Variants in RNLS observed in about 807,000 individuals in gnomAD.
The protein encoded by RNLS is renalase.
Under a neutral mutation model 39.8 loss-of-function variants are expected in RNLS, and 39 were observed. The ratio of observed to expected loss-of-function variants is 0.98; its 90% CI spans 0.76 to 1.28. RNLS has a LOEUF of 1.28. RNLS is among the 50% of genes most tolerant of loss of function. The pLI is 0.00. For missense variants in RNLS, 410 were observed against 413.3 expected (o/e 0.99, Z 0.07); for synonymous variants, 147 against 150.7 (o/e 0.98, Z 0.18).
At chr10:88,346,928 C>G (rs1265587738) in intron 5 of RNLS, among the ~76,000 whole-genome samples, 3 of 152,160 alleles carry the variant, frequency 2.0e-5, no homozygotes, top group African/African-American at 7.2e-5. Flanking sequence ...GACATTTAGA[C>G]TGATCTGAAG....
chr10:88,562,161 G>A (rs932550834), intron 4 of RNLS, among the ~76,000 whole-genome samples: 4 of 152,116 alleles, frequency 2.6e-5, no homozygotes, highest in Admixed American at 6.6e-5. Context: ...TTTTGAGCCA[G>A]AAATTTCACT....
chr10:88,453,186 C>T (rs1842447909), intron 4 of RNLS, among the ~76,000 whole-genome samples: 1 of 152,134 alleles, frequency 6.6e-6, no homozygotes, highest in Admixed American at 6.5e-5. Flanking sequence ...TAGTGGATAC[C>T]ATGGAATACT....
At chr10:88,519,383 AT>A in intron 4 of RNLS, among the ~76,000 whole-genome samples, 1 of 151,876 alleles carries the variant, frequency 6.6e-6, no homozygotes, top group East Asian at 1.9e-4. Context: ...AGGCATAATT[AT>A]CATTCCCTTA....
At chr10:88,301,788 T>A (rs1844542437) in intron 6 of RNLS, among the ~76,000 whole-genome samples, 2 of 152,114 alleles carry the variant, frequency 1.3e-5, no homozygotes, top group Non-Finnish European at 2.9e-5. Flanking sequence ...ATTGGTCCTA[T>A]CCAGACTATT....
chr10:88,582,933 A>C, intron 1 of RNLS, 140 bp downstream of exon 1: 2 of 963,902 alleles, frequency 2.1e-6, no homozygotes, highest in African/African-American at 1.7e-5. Context: ...CACTCGGCGC[A>C]TGGGCCGCGC....
Position 88,467,007 on chromosome 10 carries a change from T to C in RNLS, c.527-104282A>G, listed in dbSNP as rs116047571. Among the ~76,000 whole-genome samples, 779 of 152,216 alleles carry C rather than the reference T, an allele frequency of 5.1e-3. 5 individuals carry two copies. The highest frequency in any genetic ancestry group is 0.018 in the African/African-American group (759 of 41,548). ...AGCTGAGTAACAAACCTCTTAAAAC[T>C]CAGATTTATAATGGAAATGCTGTCC... is the stretch of plus-strand genomic sequence containing the variant. On this transcript the variant is annotated intron_variant, in intron 4 of 6. Coordinates refer to ENST00000331772, the MANE Select transcript of RNLS (RefSeq NM_001031709.3).
intron 4 of RNLS, among the ~76,000 whole-genome samples, chr10:88,565,947 T>A (rs1380530780): frequency 6.6e-6 from 1 of 151,828 alleles, no homozygotes; most frequent in African/African-American, 2.4e-5. Flanking sequence ...ATGGGTTTCA[T>A]CATGTTGGCC....
chr10:88,465,100 G>A (rs934828949), intron 4 of RNLS, among the ~76,000 whole-genome samples: 1 of 152,030 alleles, frequency 6.6e-6, no homozygotes, highest in Non-Finnish European at 1.5e-5. Flanking sequence ...AAAGCATTTC[G>A]AAGAGTGCCT....
the RNLS span, among the ~76,000 whole-genome samples, chr10:88,203,379 TATATATACAC>T: frequency 8.7e-5 from 1 of 11,526 alleles, no homozygotes; most frequent in Non-Finnish European, 1.8e-4. Flanking sequence ...TATATATATA[TATATATACAC>T]GTATGTGTAT....
At chr10:88,365,823 A>T (rs1317375824) in intron 4 of RNLS, among the ~76,000 whole-genome samples, 1 of 151,924 alleles carries the variant, frequency 6.6e-6, no homozygotes, top group Non-Finnish European at 1.5e-5. Flanking sequence ...GGAACAGAAG[A>T]CCTGGCTGTA....
At chr10:88,542,799 T>C (rs1182177143) in intron 4 of RNLS, among the ~76,000 whole-genome samples, 1 of 152,142 alleles carries the variant, frequency 6.6e-6, no homozygotes, top group Non-Finnish European at 1.5e-5. Flanking sequence ...AGTAAAGCAC[T>C]TGGAAGCCTT....
intron 4 of RNLS, among the ~76,000 whole-genome samples, chr10:88,507,300 T>C (rs1401026505): frequency 6.6e-6 from 1 of 152,018 alleles, no homozygotes; most frequent in Non-Finnish European, 1.5e-5. Context: ...ATAATAATTT[T>C]CTTTGAATAT....
At chr10:88,348,357 G>A (rs985148161) in intron 5 of RNLS, among the ~76,000 whole-genome samples, 9 of 152,078 alleles carry the variant, frequency 5.9e-5, no homozygotes, top group African/African-American at 2.2e-4. Flanking sequence ...CATCTGGCTG[G>A]CTCTTAGATT....
chr10:88,467,607 C>A (rs551598221), intron 4 of RNLS, among the ~76,000 whole-genome samples: 22 of 152,138 alleles, frequency 1.4e-4, no homozygotes, highest in African/African-American at 3.1e-4. Context: ...ATTTACCAAC[C>A]TTTTGCTCTA....
intron 4 of RNLS, among the ~76,000 whole-genome samples, chr10:88,570,464 C>T (rs766434878): frequency 8.5e-5 from 13 of 152,170 alleles, no homozygotes; most frequent in Non-Finnish European, 1.8e-4. Context: ...TCACTCAATT[C>T]GCAAATATTA....
At chr10:88,459,891 C>T (rs1459541685) in intron 4 of RNLS, among the ~76,000 whole-genome samples, 2 of 152,168 alleles carry the variant, frequency 1.3e-5, no homozygotes, top group Non-Finnish European at 2.9e-5. Context: ...GAATTCCCTA[C>T]AATTCACAGC....
At chr10:88,577,831 C>T (rs896708049) in intron 3 of RNLS, among the ~76,000 whole-genome samples, 1 of 151,994 alleles carries the variant, frequency 6.6e-6, no homozygotes, top group East Asian at 1.9e-4. Flanking sequence ...TTTCCTTTAC[C>T]TTTTACTATT....
intron 4 of RNLS, among the ~76,000 whole-genome samples, chr10:88,396,176 A>C (rs1405756923): frequency 6.6e-6 from 1 of 152,128 alleles, no homozygotes; most frequent in East Asian, 1.9e-4. Flanking sequence ...AAAGATACCT[A>C]AAAAGTAAAT....
chr10:88,391,431 A>G (rs1431767862), intron 4 of RNLS, among the ~76,000 whole-genome samples: 6 of 152,028 alleles, frequency 3.9e-5, no homozygotes, highest in Non-Finnish European at 8.8e-5. Context: ...GGTGGTAGGC[A>G]CCTGTAGTCC....
Sources: allele counts gnomAD v4.1 joint callset (sites outside exome capture counted in the v4.1 genomes callset), GRCh38; gene constraint gnomAD v4.1.1; transcripts MANE v1.5; gene names NCBI Gene and HGNC (gene_info 2026-07-23, HGNC 2026-07-21).